Variants in VOPP1 observed in about 807,000 individuals in gnomAD.
VOPP1 encodes VOPP1 WW domain binding protein.
A neutral mutation model predicts 23.5 loss-of-function variants in VOPP1; 8 were observed. The observed-to-expected ratio is 0.34, with a 90% confidence interval of 0.20 to 0.61. The LOEUF is 0.61. Among genes scored for constraint, VOPP1 ranks in the 20% least tolerant of loss-of-function variants. The pLI, the probability that VOPP1 is intolerant of heterozygous loss-of-function variation, is 0.78. For synonymous variants in VOPP1, 83 were observed against 97.3 expected (o/e 0.85, Z 0.86); for missense variants, 174 against 238.1 (o/e 0.73, Z 1.77).
chr7:55,444,266 A>G (rs540688202), intron 4 of VOPP1, among the ~76,000 whole-genome samples: 5 of 152,338 alleles, frequency 3.3e-5, no homozygotes, highest in African/African-American at 1.2e-4. Context: ...ACCTTATTCC[A>G]GTATGTCCTC....
chr7:55,510,570 CTTTTTT>C (rs34545604), intron 2 of VOPP1, among the ~76,000 whole-genome samples: 1,623 of 119,792 alleles, frequency 0.014, 12 homozygotes, highest in Middle Eastern at 0.026. Flanking sequence ...AGGGCACTGG[CTTTTTT>C]TTTTTTTTTT....
chr7:55,477,958 C>G (rs780031528), intron 4 of VOPP1, among the ~76,000 whole-genome samples: 1 of 152,224 alleles, frequency 6.6e-6, no homozygotes, highest in Non-Finnish European at 1.5e-5. Context: ...AGGCCGCACC[C>G]ACCCAGACAG....
chr7:55,491,988 T>A (rs1390069301), intron 4 of VOPP1, among the ~76,000 whole-genome samples: 1 of 152,106 alleles, frequency 6.6e-6, no homozygotes, highest in Admixed American at 6.5e-5. Flanking sequence ...ATATGTGAAA[T>A]AATGTTTAAG....
At chr7:55,515,517 C>T (rs1390277757) in intron 2 of VOPP1, among the ~76,000 whole-genome samples, 1 of 152,256 alleles carries the variant, frequency 6.6e-6, no homozygotes, top group Non-Finnish European at 1.5e-5. Context: ...AGGGAGAATA[C>T]AGGCATCCCA....
At chr7:55,440,364 T>G (rs1020776243) in intron 4 of VOPP1, among the ~76,000 whole-genome samples, 12 of 152,326 alleles carry the variant, frequency 7.9e-5, no homozygotes, top group African/African-American at 2.9e-4. Context: ...CCACCTGTCC[T>G]ACACAGTGGC....
At chr7:55,468,562 G>C (rs1163155188), downstream of VOPP1, among the ~76,000 whole-genome samples, 1 of 152,258 alleles carries the variant, frequency 6.6e-6, no homozygotes, top group African/African-American at 2.4e-5. Flanking sequence ...ACCTCGGAGG[G>C]ACCTGAAGGT....
At chr7:55,521,622 T>C in intron 1 of VOPP1, 2 of 987,302 alleles carry the variant, frequency 2.0e-6, no homozygotes, top group Non-Finnish European at 2.4e-6. Context: ...CGTTGCCCTC[T>C]CACGTGCAGG....
chr7:55,534,961 G>T (rs1209466295), intron 1 of VOPP1, among the ~76,000 whole-genome samples: 1 of 152,224 alleles, frequency 6.6e-6, no homozygotes, highest in African/African-American at 2.4e-5. Flanking sequence ...AAAAGCCAGG[G>T]GGTGAGCTTG....
intron 1 of VOPP1, among the ~76,000 whole-genome samples, chr7:55,547,986 G>A (rs1045499318): frequency 7.2e-5 from 11 of 152,052 alleles, no homozygotes; most frequent in Non-Finnish European, 1.3e-4. Context: ...TCCCCTCCAA[G>A]GGCTTTCTAA....
chr7:55,500,345 A>G (rs1289687629), intron 2 of VOPP1, among the ~76,000 whole-genome samples: 2 of 152,244 alleles, frequency 1.3e-5, no homozygotes, highest in African/African-American at 2.4e-5. Context: ...GCCACGTGAG[A>G]GGGCCATGTA....
chr7:55,560,952 C>T (rs1011685538), intron 1 of VOPP1, among the ~76,000 whole-genome samples: 2 of 152,140 alleles, frequency 1.3e-5, no homozygotes, highest in Non-Finnish European at 2.9e-5. Flanking sequence ...ACTGCCATCC[C>T]GCGTCAATCC....
intron 4 of VOPP1, among the ~76,000 whole-genome samples, chr7:55,451,073 G>T (rs1399705105): frequency 6.6e-6 from 1 of 152,188 alleles, no homozygotes; most frequent in East Asian, 1.9e-4. Context: ...TCCTAGGGAG[G>T]AGATTCAACA....
intron 2 of VOPP1, chr7:55,515,953 T>C: frequency 1.0e-6 from 1 of 985,418 alleles, no homozygotes; most frequent in African/African-American, 1.7e-5. Flanking sequence ...TTCTCATCTC[T>C]GGGCTCCAGG....
chr7:55,558,813 T>C (rs937701614), intron 1 of VOPP1, among the ~76,000 whole-genome samples: 56 of 152,192 alleles, frequency 3.7e-4, no homozygotes, highest in African/African-American at 1.3e-3. Context: ...CCTGGCATCA[T>C]TATCATTAGT....
chr7:55,551,089 CCT>C (rs1395494569), intron 1 of VOPP1, among the ~76,000 whole-genome samples: 2 of 152,096 alleles, frequency 1.3e-5, no homozygotes, highest in Non-Finnish European at 2.9e-5. Flanking sequence ...AAATTATCTC[CCT>C]GTTATGCAGA....
intron 2 of VOPP1, among the ~76,000 whole-genome samples, chr7:55,515,689 C>T (rs747317452): frequency 1.3e-5 from 2 of 152,204 alleles, no homozygotes; most frequent in African/African-American, 2.4e-5. Context: ...ACTCCACTTC[C>T]CCTCTGTGCC....
chr7:55,472,650 A>T lies in VOPP1; in HGVS notation c.*205T>A. ...CATGTGAGAGCACAGACTGCGTCAG[A>T]AACAGAAGCAACAGAGGAGACAAAG... On this transcript the variant is annotated 3_prime_UTR_variant, in exon 5 of 5. Coordinates refer to ENST00000285279, the MANE Select transcript of VOPP1 (RefSeq NM_030796.5). 1 of 284,322 alleles carries T rather than the reference A, an allele frequency of 3.5e-6. No individual in the cohort carries two copies. The highest frequency in any genetic ancestry group is 6.1e-6 in the Non-Finnish European group (1 of 163,622). The allele number at this position is 284,322 out of a possible 1,614,324, so 17.6% of individuals were successfully genotyped here. A position where few individuals can be genotyped will look rare whatever the true frequency, so the allele number is the denominator to read the frequency against.
chr7:55,480,000 T>G (rs1385364205), intron 4 of VOPP1, among the ~76,000 whole-genome samples: 1 of 152,212 alleles, frequency 6.6e-6, no homozygotes, highest in Non-Finnish European at 1.5e-5. Flanking sequence ...AATAAAACGA[T>G]CTTTTGTTAA....
intron 1 of VOPP1, 144 bp from the exon 2 acceptor site, chr7:55,521,274 G>T: frequency 1.2e-6 from 1 of 823,596 alleles, no homozygotes; most frequent in Non-Finnish European, 1.9e-6. Flanking sequence ...ATGCATTACA[G>T]GGAGAGCCGC....
Sources: gnomAD v4.1 joint callset for allele counts (sites outside exome capture counted in the v4.1 genomes callset) on GRCh38, gnomAD v4.1.1 for gene constraint, MANE v1.5 for transcripts, NCBI Gene and HGNC (gene_info 2026-07-23, HGNC 2026-07-21) for gene names.